NFIX: variants seen among roughly 807,000 people sequenced by gnomAD.
NFIX encodes nuclear factor 1 X-type.
In NFIX, 2 loss-of-function variants were observed where a neutral mutation model predicts 53.3. That is an observed-to-expected ratio of 0.04 (90% confidence interval 0.02 to 0.12). The LOEUF is 0.12. Ranked by LOEUF, NFIX falls within the 10% of genes least tolerant of loss-of-function variation. NFIX has a pLI of 1.00. For synonymous variants in NFIX, 244 were observed against 289.0 expected (o/e 0.84, Z 1.58); for missense variants, 310 against 674.5 (o/e 0.46, Z 5.99).
rs1416001436 is a variant in NFIX, at chr19:13,043,416, G to T, written c.559+17864G>T. Among the ~76,000 whole-genome samples the T allele has an allele frequency of 6.6e-6, 1 of 152,192 alleles. No individual in the cohort carries two copies. Among genetic ancestry groups the T allele is most frequent in the Non-Finnish European group, 1.5e-5 (1 of 68,018 alleles). On this transcript the variant is annotated intron_variant, in intron 2 of 10. Transcript: ENST00000592199. This position sits in a 1 kb window ranked among gnomAD's most constrained non-coding sequence, Gnocchi z 4.0. ...CAGGTGCTGGCCATGGTATCTTAAT[G>T]GCAGCAGCCCCCAGGTCCACTTCTG...
Position 13,012,569 on chromosome 19 carries a change from A to G in NFIX, c.28-12452A>G, listed in dbSNP as rs1216107930. On this transcript the variant is annotated intron_variant, in intron 1 of 10. Coordinates refer to ENST00000592199, the MANE Select transcript of NFIX (RefSeq NM_001365902.3). The surrounding 1 kb of genome is among the most constrained non-coding windows in gnomAD (Gnocchi z 5.0). ...CTCCGATGTCGGCATTTTTGCCTTA[A>G]GGCTAGTTTGTCCCCCAGGCGCGCG... Among the ~76,000 whole-genome samples, 1 of 152,134 alleles carries G rather than the reference A, an allele frequency of 6.6e-6. No homozygotes were observed. The highest frequency in any genetic ancestry group is 1.5e-5 in the Non-Finnish European group (1 of 68,020).
chr19:13,044,201 G>T (rs910784185), intron 2 of NFIX, among the ~76,000 whole-genome samples: 11 of 152,202 alleles, frequency 7.2e-5, no homozygotes, highest in African/African-American at 2.7e-4. Context: ...GATGTGGGTA[G>T]TTGTGTAGGA....
chr19:13,068,225 T>C lies in NFIX; in HGVS notation c.560-4822T>C, dbSNP rs1209388466. 2.0e-5 allele frequency among the ~76,000 whole-genome samples: 3 copies of C among 152,004 alleles called. No homozygotes were observed. Among genetic ancestry groups the C allele is most frequent in the African/African-American group, 7.3e-5 (3 of 41,346 alleles). On this transcript the variant is annotated intron_variant, in intron 2 of 10. Transcript: ENST00000592199. The surrounding 1 kb of genome is among the most constrained non-coding windows in gnomAD (Gnocchi z 4.2). Reference sequence around the variant, plus strand: ...CTCCAGAGCTCTACTGAAGAGGCAGTGTCCTCTTGGAAACACGCACAAGCA... The same window carrying C: ...CTCCAGAGCTCTACTGAAGAGGCAGCGTCCTCTTGGAAACACGCACAAGCA...
chr19:13,062,451 C>T (rs547458111), intron 2 of NFIX, among the ~76,000 whole-genome samples: 25 of 152,290 alleles, frequency 1.6e-4, no homozygotes, highest in Non-Finnish European at 2.5e-4. Flanking sequence ...TGCAGCTGTG[C>T]TTTGAGATGT....
rs549317784 is a variant in NFIX, at chr19:13,088,414, G to A, written c.1402+278G>A. Among the ~76,000 whole-genome samples the A allele has an allele frequency of 2.6e-5, 4 of 152,076 alleles. No individual in the cohort carries two copies. The highest frequency in any genetic ancestry group is 7.2e-5 in the African/African-American group (3 of 41,476). On this transcript the variant is annotated intron_variant, in intron 9 of 10. Coordinates refer to ENST00000592199, the MANE Select transcript of NFIX (RefSeq NM_001365902.3). The surrounding 1 kb of genome is among the most constrained non-coding windows in gnomAD (Gnocchi z 5.9). ...GCGGGAGGGAGAGCACAGCTGGGGC[G>A]CGCAGGCCAGGGGTGCTGGCGGGGG...
In NFIX at chr19:13,014,722, AG is replaced by A. The variant is rs1374507669; in HGVS notation, c.28-10297del. On this transcript the variant is annotated intron_variant, in intron 1 of 10. Coordinates refer to ENST00000592199, the MANE Select transcript of NFIX (RefSeq NM_001365902.3). The surrounding 1 kb of genome is among the most constrained non-coding windows in gnomAD (Gnocchi z 4.4). ...GGCTGGGCCTGGCATCCAGCCCCAG[AG>A]GAGTGCTCTTGCCACTGGCCACAGG... is the stretch of plus-strand genomic sequence containing the variant. Among the ~76,000 whole-genome samples, 2 of 152,260 alleles carry A rather than the reference AG, an allele frequency of 1.3e-5. No homozygotes were observed. The highest frequency in any genetic ancestry group is 4.8e-5 in the African/African-American group (2 of 41,478).
rs1326343966 is a variant in NFIX, at chr19:13,081,937, G to A, written c.1254+82G>A. The A allele has an allele frequency of 4.6e-6, 7 of 1,535,700 alleles. No homozygotes were observed. The highest frequency in any genetic ancestry group is 6.2e-6 in the Non-Finnish European group (7 of 1,129,792). On this transcript the variant is annotated intron_variant, in intron 8 of 10. Transcript: ENST00000592199. This position sits in a 1 kb window ranked among gnomAD's most constrained non-coding sequence, Gnocchi z 4.7. ...CTGTCTCAGGGCTCACAGGGAGAGG[G>A]CCCAAAAGCCAGGAGCCCACCTGGG...
At position 13,038,453 on chromosome 19, in the gene NFIX, C is replaced by T. The variant is rs984237188; in HGVS notation, c.559+12901C>T. 5.9e-5 allele frequency among the ~76,000 whole-genome samples: 9 copies of T among 152,234 alleles called. No homozygotes were observed. The East Asian group carries it at 1.4e-3, about 23-fold the overall frequency. ...AAGCCAGTTTCCCAGACCCAGTGACCAGGGCTGGACTCTGCCACCCAAAGA... is the reference window on the plus strand; with the variant it reads ...AAGCCAGTTTCCCAGACCCAGTGACTAGGGCTGGACTCTGCCACCCAAAGA... On this transcript the variant is annotated intron_variant, in intron 2 of 10. Transcript: ENST00000592199.
chr19:13,024,119 A>G (rs1199942927), intron 1 of NFIX: 48 of 897,508 alleles, frequency 5.3e-5, no homozygotes, highest in Non-Finnish European at 6.1e-5. Context: ...CAACCAAAAA[A>G]AAAAAAAAAA....
Position 13,037,629 on chromosome 19 carries a change from T to A in NFIX, c.559+12077T>A, listed in dbSNP as rs1424324869. Among the ~76,000 whole-genome samples the A allele has an allele frequency of 6.6e-6, 1 of 152,198 alleles. No individual in the cohort carries two copies. The highest frequency in any genetic ancestry group is 1.9e-4 in the East Asian group (1 of 5,200). On this transcript the variant is annotated intron_variant, in intron 2 of 10. Transcript: ENST00000592199. The surrounding 1 kb of genome is among the most constrained non-coding windows in gnomAD (Gnocchi z 4.2). The stretch of plus-strand genomic sequence containing the variant: ...GCAGATGAGGGGATTGGAAGAAGGC[T>A]GGATGACCAACTCGTCCTGGTTTGC...
intron 2 of NFIX, among the ~76,000 whole-genome samples, chr19:13,031,680 A>G (rs1384570881): frequency 6.6e-6 from 1 of 152,170 alleles, no homozygotes; most frequent in Non-Finnish European, 1.5e-5. Context: ...GCAGTGACCC[A>G]TGCTGGAGGG....
intron 1 of NFIX, among the ~76,000 whole-genome samples, chr19:12,997,724 TC>T (rs1214292487): frequency 6.6e-6 from 1 of 151,980 alleles, no homozygotes; most frequent in Non-Finnish European, 1.5e-5. Context: ...CTGAGCCTGC[TC>T]CCCCATGGCT....
chr19:13,089,813 G>A lies in NFIX; in HGVS notation c.1403-486G>A, dbSNP rs2018026532. ...GCCTTCCCGAAGCAGGGTGGGGCCG[G>A]ACTGCCAAAGCCTCCACCCTCCCCT... On this transcript the variant is annotated intron_variant, in intron 9 of 10. Coordinates refer to ENST00000592199, the MANE Select transcript of NFIX (RefSeq NM_001365902.3). The surrounding 1 kb of genome is among the most constrained non-coding windows in gnomAD (Gnocchi z 4.8). 6.6e-6 allele frequency among the ~76,000 whole-genome samples: 1 copy of A among 152,146 alleles called. No homozygotes were observed. The highest frequency in any genetic ancestry group is 2.4e-5 in the African/African-American group (1 of 41,450).
intron 8 of NFIX, among the ~76,000 whole-genome samples, chr19:13,086,864 C>T (rs989888362): frequency 2.0e-5 from 3 of 152,240 alleles, no homozygotes; most frequent in Non-Finnish European, 4.4e-5. Context: ...GAGGACAGAA[C>T]GAGGCACTGG....
Position 13,006,603 on chromosome 19 carries a change from G to A in NFIX, c.27+10739G>A, listed in dbSNP as rs903541331. Among the ~76,000 whole-genome samples, 1 of 152,188 alleles carries A rather than the reference G, an allele frequency of 6.6e-6. No homozygotes were observed. Among genetic ancestry groups the A allele is most frequent in the Non-Finnish European group, 1.5e-5 (1 of 68,034 alleles). ...CTGGGCCCCTCAATTTAGCTCCCCCGGGGCGGGCTGGGTTTATTTTTACCC... is the reference window on the plus strand; with the variant it reads ...CTGGGCCCCTCAATTTAGCTCCCCCAGGGCGGGCTGGGTTTATTTTTACCC... On this transcript the variant is annotated intron_variant, in intron 1 of 10. Transcript: ENST00000592199. This position sits in a 1 kb window ranked among gnomAD's most constrained non-coding sequence, Gnocchi z 5.6.
chr19:13,065,617 C>T (rs1029545608), intron 2 of NFIX, among the ~76,000 whole-genome samples: 1 of 152,128 alleles, frequency 6.6e-6, no homozygotes, highest in Non-Finnish European at 1.5e-5. Context: ...CCTTTGTCCA[C>T]CTGCTGGGTG....
intron 2 of NFIX, among the ~76,000 whole-genome samples, chr19:13,061,457 G>A (rs2016082664): frequency 6.6e-6 from 1 of 152,202 alleles, no homozygotes; most frequent in Non-Finnish European, 1.5e-5. Flanking sequence ...GTATGCAGAG[G>A]GAACCACATC....
intron 2 of NFIX, among the ~76,000 whole-genome samples, chr19:13,065,373 T>C (rs1056322697): frequency 4.6e-5 from 7 of 152,190 alleles, no homozygotes; most frequent in Admixed American, 1.3e-4. Flanking sequence ...CTGATGGGAA[T>C]TCCTACCCCA....
At position 13,049,612 on chromosome 19, in the gene NFIX, G is replaced by A. The variant is rs1396295621; in HGVS notation, c.560-23435G>A. ...AGTGGTTCCTTTTTTTTTTTTTTTTGAGACAGAGTCTTACTCTGTCGCCCA... is the reference window on the plus strand; with the variant it reads ...AGTGGTTCCTTTTTTTTTTTTTTTTAAGACAGAGTCTTACTCTGTCGCCCA... On this transcript the variant is annotated intron_variant, in intron 2 of 10. Coordinates refer to ENST00000592199, the MANE Select transcript of NFIX (RefSeq NM_001365902.3). The surrounding 1 kb of genome is among the most constrained non-coding windows in gnomAD (Gnocchi z 4.5). 2.1e-5 allele frequency among the ~76,000 whole-genome samples: 2 copies of A among 93,252 alleles called. No individual in the cohort carries two copies. Among genetic ancestry groups the A allele is most frequent in the Non-Finnish European group, 4.4e-5 (2 of 45,514 alleles). 61.2% of individuals were successfully genotyped at this position (93,252 alleles called of 152,430 possible).
Sources: allele counts gnomAD v4.1 joint callset (sites outside exome capture counted in the v4.1 genomes callset), GRCh38; gene constraint gnomAD v4.1.1; non-coding constraint Gnocchi (gnomAD v3.1); transcripts MANE v1.5; gene names NCBI Gene and HGNC (gene_info 2026-07-23, HGNC 2026-07-21).